Variants in TRAP1 observed in about 807,000 individuals in gnomAD.
TRAP1 encodes the protein TNF receptor associated protein 1.
In TRAP1, 102 loss-of-function variants were observed where a neutral mutation model predicts 89.1. The ratio of observed to expected loss-of-function variants is 1.15; its 90% confidence interval spans 0.98 to 1.35. The LOEUF is 1.35. Among genes scored for constraint, TRAP1 ranks in the 40% most tolerant of loss-of-function variants. The pLI is 0.00. For synonymous variants in TRAP1, 508 were observed against 388.0 expected (o/e 1.31, Z -3.64); for missense variants, 1,256 against 945.3 (o/e 1.33, Z -4.31).
intron 4 of TRAP1, among the ~76,000 whole-genome samples, chr16:3,680,835 T>C (rs2051064855): frequency 6.6e-6 from 1 of 152,186 alleles, no homozygotes; most frequent in South Asian, 2.1e-4. Context: ...TGTATGAAGA[T>C]GCAAGAGGCA....
Position 3,677,544 on chromosome 16 carries a change from G to T in TRAP1, c.658C>A (p.Arg220Ser). Residue 220 changes from arginine to serine, a missense_variant, in exon 6 of 18, where the codon CGC (arginine) becomes AGC (serine). Transcript: ENST00000246957. Reference sequence around the variant, plus strand: ...CCCAGGCTCCCCGGGGCTGCCGAGCGGGAATAGACCTCCACTCTGTCAGCC... The same window carrying T: ...CCCAGGCTCCCCGGGGCTGCCGAGCTGGAATAGACCTCCACTCTGTCAGCC... ...MVADRVEVYS[R>S]SAAPGSLGYQ... 1 of 1,614,134 alleles carries T rather than the reference G, an allele frequency of 6.2e-7. No individual in the cohort carries two copies.
At chr16:3,713,431 C>T (rs576234719) in intron 1 of TRAP1, among the ~76,000 whole-genome samples, 74 of 152,302 alleles carry the variant, frequency 4.9e-4, no homozygotes, top group South Asian at 1.7e-3. Context: ...CCAGCTCTCC[C>T]GACCTTCCTG....
At chr16:3,708,578 A>G (rs1335018722) in intron 1 of TRAP1, among the ~76,000 whole-genome samples, 2 of 152,090 alleles carry the variant, frequency 1.3e-5, no homozygotes, top group Non-Finnish European at 2.9e-5. Flanking sequence ...CGGAGGTTGC[A>G]GTGAGCCAAG....
rs71133652 is a variant in TRAP1, at chr16:3,710,879, A to ATATATATATATATTT, written c.88+6541_88+6542insAAATATATATATATA. 4.8e-5 allele frequency among the ~76,000 whole-genome samples: 6 copies of ATATATATATATATTT among 125,798 alleles called. No individual in the cohort carries two copies. In the East Asian group the frequency reaches 9.6e-4, roughly 20 times the overall value. The allele number at this position is 125,798 out of a possible 152,430, so 82.5% of individuals were successfully genotyped here. Reference sequence around the variant, plus strand: ...TGTGTATATATATATATATATATATATTTTTTTTTTTGAGACACTGTCACT... The same window carrying ATATATATATATATTT: ...TGTGTATATATATATATATATATATATATATATATATATTTTTTTTTTTTTTGAGACACTGTCACT... On this transcript the variant is annotated intron_variant, in intron 1 of 17. Coordinates refer to ENST00000246957, the MANE Select transcript of TRAP1 (RefSeq NM_016292.3).
rs113480139 is a variant in TRAP1, at chr16:3,709,560, C to T, written c.88+7861G>A. On this transcript the variant is annotated intron_variant, in intron 1 of 17. Coordinates refer to ENST00000246957, the MANE Select transcript of TRAP1 (RefSeq NM_016292.3). ...GCTATGGAATACCAGAGCTCTGTGG[C>T]GACAGGAAACAAACCCCAGAATATA... 1.7e-4 allele frequency among the ~76,000 whole-genome samples: 26 copies of T among 152,232 alleles called. 1 individual carries two copies. Among genetic ancestry groups the T allele is most frequent in the African/African-American group, 3.6e-4 (15 of 41,530 alleles).
intron 10 of TRAP1, among the ~76,000 whole-genome samples, chr16:3,672,176 A>G (rs1481187050): frequency 6.6e-6 from 1 of 152,082 alleles, no homozygotes; most frequent in Non-Finnish European, 1.5e-5. Flanking sequence ...TCTCTACTAA[A>G]AATACAAAAA....
intron 15 of TRAP1, 174 bp from the exon 16 acceptor site, chr16:3,662,306 C>G (rs1191035421): frequency 6.5e-6 from 5 of 766,996 alleles, no homozygotes; most frequent in Non-Finnish European, 8.2e-6. Flanking sequence ...GGGCCCTGAG[C>G]TGATGCCCCA....
intron 9 of TRAP1, among the ~76,000 whole-genome samples, chr16:3,673,576 C>T (rs535520170): frequency 5.2e-5 from 7 of 134,696 alleles, no homozygotes; most frequent in Admixed American, 2.3e-4. Flanking sequence ...GGTTAAAATG[C>T]GGGGAGATCT....
intron 1 of TRAP1, among the ~76,000 whole-genome samples, chr16:3,700,472 T>G (rs1374208221): frequency 6.6e-6 from 1 of 150,958 alleles, no homozygotes; most frequent in East Asian, 2.0e-4. Flanking sequence ...CAGACTTTTT[T>G]GTTTGTTTGT....
intron 5 of TRAP1, chr16:3,678,473 G>C (rs2051030081): frequency 6.6e-6 from 1 of 152,200 alleles, no homozygotes; most frequent in Non-Finnish European, 1.5e-5. Context: ...TGTTGTTGTT[G>C]TTGTTTTTGA....
In TRAP1 at chr16:3,664,364, G is replaced by A; in HGVS notation, c.1479C>T (p.Gly493=). ...LSEYASRMRA[G]TRNIYYLCAP... ...CGCACAGGTAGTAGATGTTGCGGGTGCCGGCCCGCATGCGGCTGGCGTATT... is the reference window on the plus strand; with the variant it reads ...CGCACAGGTAGTAGATGTTGCGGGTACCGGCCCGCATGCGGCTGGCGTATT... The change falls in exon 13 of 18, where the codon GGC becomes GGT. Residue 493 remains glycine, a synonymous_variant. Coordinates refer to ENST00000246957, the MANE Select transcript of TRAP1 (RefSeq NM_016292.3). 6.2e-7 allele frequency: 1 copy of A among 1,613,014 alleles called. No individual in the cohort carries two copies. Among genetic ancestry groups the A allele is most frequent in the East Asian group, 2.2e-5 (1 of 44,850 alleles).
chr16:3,658,930 T>A (rs1286784152), intron 16 of TRAP1, 65 bp from the exon 17 acceptor site: 5 of 1,544,498 alleles, frequency 3.2e-6, no homozygotes, highest in Non-Finnish European at 3.6e-6. Context: ...CCCTTCATGT[T>A]TTGGGATTAT....
At chr16:3,713,561 A>C (rs113571331) in intron 1 of TRAP1, among the ~76,000 whole-genome samples, 1 of 152,224 alleles carries the variant, frequency 6.6e-6, no homozygotes, top group African/African-American at 2.4e-5. Flanking sequence ...AACCAGTCCT[A>C]TCGTGGTTGC....
At chr16:3,670,357 T>C (rs1414228043) in intron 11 of TRAP1, among the ~76,000 whole-genome samples, 2 of 110,652 alleles carry the variant, frequency 1.8e-5, no homozygotes, top group Non-Finnish European at 3.3e-5. Context: ...CACTCCAGCC[T>C]GGGCGACAGA....
intron 16 of TRAP1, chr16:3,660,340 A>T (rs2043000086): frequency 1.3e-5 from 2 of 152,260 alleles, no homozygotes; most frequent in African/African-American, 4.8e-5. Context: ...TTTTAAAACA[A>T]ATGAAAGTGA....
chr16:3,676,209 CTCCAGCGGT>C, intron 6 of TRAP1, 64 bp from the exon 7 acceptor site: 2 of 1,429,476 alleles, frequency 1.4e-6, no homozygotes, highest in Non-Finnish European at 1.9e-6. Flanking sequence ...CTGCATGGGA[CTCCAGCGGT>C]TCCCGAGGGT....
chr16:3,689,028 A>G (rs780722483), intron 3 of TRAP1, 27 bp downstream of exon 3: 3 of 1,580,084 alleles, frequency 1.9e-6, no homozygotes, highest in Non-Finnish European at 2.6e-6. Flanking sequence ...CTTTGCTAGC[A>G]TCGGGCATGG....
chr16:3,705,862 TA>T (rs1191375178), intron 1 of TRAP1, among the ~76,000 whole-genome samples: 1 of 151,296 alleles, frequency 6.6e-6, no homozygotes, highest in Non-Finnish European at 1.5e-5. Flanking sequence ...TATATATATA[TA>T]TTTTTTTTTA....
intron 13 of TRAP1, chr16:3,663,771 C>G (rs530378548): frequency 5.0e-6 from 3 of 600,192 alleles, no homozygotes; most frequent in African/African-American, 1.9e-5. Context: ...AAGCACTCCA[C>G]GCATAAAGAA....
Sources: allele counts gnomAD v4.1 joint callset (sites outside exome capture counted in the v4.1 genomes callset), GRCh38; gene constraint gnomAD v4.1.1; transcripts MANE v1.5; gene names NCBI Gene and HGNC (gene_info 2026-07-23, HGNC 2026-07-21).